The following VSIG10L2 variants were observed in gnomAD, a reference collection of about 807,000 sequenced individuals.
VSIG10L2 encodes V-set and immunoglobulin domain-containing protein 10-like 2.
In VSIG10L2, 56 loss-of-function variants were observed where a neutral mutation model predicts 67.1. The ratio of observed to expected loss-of-function variants is 0.83; its 90% CI spans 0.67 to 1.04. The LOEUF is 1.04. VSIG10L2 is among the 50% of genes least tolerant of loss of function. The pLI is 0.00. For synonymous variants in VSIG10L2, 360 were observed against 396.6 expected (o/e 0.91, Z 1.10); for missense variants, 843 against 932.8 (o/e 0.90, Z 1.25).
In VSIG10L2 at chr11:125,947,912, G is replaced by A. The variant is rs1383340248; in HGVS notation, c.309G>A (p.Arg103=). The change falls in exon 2 of 12, where the codon AGG becomes AGA. Residue 103 remains arginine, a synonymous_variant. Coordinates refer to ENST00000686984, the MANE Select transcript of VSIG10L2 (RefSeq NM_001365077.2). ...IASALGVVSL[R]NSSLVLGELH... is the part of the protein sequence containing the mutation. Reference sequence around the variant, plus strand: ...CGGCTCTGGGAGTCGTGAGTCTGAGGAACAGCAGCCTGGTGCTGGGGGAGC... The same window carrying A: ...CGGCTCTGGGAGTCGTGAGTCTGAGAAACAGCAGCCTGGTGCTGGGGGAGC... 2.4e-6 allele frequency: 3 copies of A among 1,232,220 alleles called. No homozygotes were observed. The highest frequency in any genetic ancestry group is 4.1e-5 in the South Asian group (1 of 24,330). The allele number at this position is 1,232,220 out of a possible 1,614,324, so 76.3% of individuals were successfully genotyped here.
At position 125,946,544 on chromosome 11, in the gene VSIG10L2, CTTTTT is replaced by C. The variant is rs745417197; in HGVS notation, c.82+416_82+420del. Among the ~76,000 whole-genome samples, 2 of 142,940 alleles carry C rather than the reference CTTTTT, an allele frequency of 1.4e-5. No individual in the cohort carries two copies. Among genetic ancestry groups the C allele is most frequent in the Non-Finnish European group, 3.1e-5 (2 of 65,346 alleles). The allele number at this position is 142,940 out of a possible 152,430, so 93.8% of individuals were successfully genotyped here. On this transcript the variant is annotated intron_variant, in intron 1 of 11. Coordinates refer to ENST00000686984, the MANE Select transcript of VSIG10L2 (RefSeq NM_001365077.2). This position sits in a 1 kb window ranked among gnomAD's most constrained non-coding sequence, Gnocchi z 4.4. The stretch of plus-strand genomic sequence containing the variant: ...GGTTTCTGGGTTACATATTTTTATT[CTTTTT>C]TTTTTTTTGAGATGGAGTCTTGCTG...
At chr11:125,951,261 C>T in intron 5 of VSIG10L2, 103 bp downstream of exon 5, 1 of 1,126,198 alleles carries the variant, frequency 8.9e-7, no homozygotes, top group Non-Finnish European at 1.1e-6. Flanking sequence ...GCTCTCCAGA[C>T]CGCAGGCTCC....
chr11:125,950,377 G>C, intron 4 of VSIG10L2, 88 bp downstream of exon 4: 4 of 1,208,020 alleles, frequency 3.3e-6, no homozygotes, highest in Non-Finnish European at 4.1e-6. Context: ...GGCAGACCCC[G>C]CCGTCCCGTG....
rs1204028399 is a variant in VSIG10L2, at chr11:125,948,511, T to TTA, written c.640_641insTA (p.Trp214LeufsTer11). 2.4e-6 allele frequency: 3 copies of TTA among 1,231,966 alleles called. No individual in the cohort carries two copies. The highest frequency in any genetic ancestry group is 4.2e-5 in the Admixed American group (1 of 23,710). 76.3% of individuals were successfully genotyped at this position (1,231,966 alleles called of 1,614,324 possible). A position where few individuals can be genotyped will look rare whatever the true frequency, so the allele number is the denominator to read the frequency against. ...CCCTGTCAACCGGACACACCTAGGGTGGTACATGTGCAGCGCCAGCAACTC... is the reference window on the plus strand; with the variant it reads ...CCCTGTCAACCGGACACACCTAGGGTTAGGTACATGTGCAGCGCCAGCAACTC... On this transcript the variant is annotated frameshift_variant, in exon 3 of 12. Coordinates refer to ENST00000686984, the MANE Select transcript of VSIG10L2 (RefSeq NM_001365077.2). LOFTEE classifies it high-confidence loss of function.
In VSIG10L2 at chr11:125,955,158, C is replaced by T. The variant is rs934615549; in HGVS notation, c.2185C>T (p.Arg729Trp). Reference sequence around the variant, plus strand: ...TCTACTGGTGTTCCAGTATGCTGCCCGGCACCCAGAGACTTTCCCCCGTGA... The same window carrying T: ...TCTACTGGTGTTCCAGTATGCTGCCTGGCACCCAGAGACTTTCCCCCGTGA... ...ASLLVFQYAA[R>W]HPETFPRLGQ... The change falls in exon 9 of 12, where the codon CGG becomes TGG. Residue 729 changes from arginine (R) to tryptophan (W), a missense_variant. Transcript: ENST00000686984. 2.3e-5 allele frequency: 29 copies of T among 1,250,420 alleles called. No homozygotes were observed. The African/African-American group carries it at 2.6e-4, about 11-fold the overall frequency. 77.5% of individuals were successfully genotyped at this position (1,250,420 alleles called of 1,614,324 possible).
Position 125,954,208 on chromosome 11 carries a change from G to C in VSIG10L2, c.1908G>C (p.Arg636=). 1.6e-6 allele frequency: 2 copies of C among 1,232,234 alleles called. No homozygotes were observed. Among genetic ancestry groups the C allele is most frequent in the Non-Finnish European group, 2.0e-6 (2 of 988,032 alleles). The allele number at this position is 1,232,234 out of a possible 1,614,324, so 76.3% of individuals were successfully genotyped here. A position where few individuals can be genotyped will look rare whatever the true frequency, so the allele number is the denominator to read the frequency against. The change falls in exon 8 of 12, where the codon CGG becomes CGC. Residue 636 remains arginine (R), a synonymous_variant. Coordinates refer to ENST00000686984, the MANE Select transcript of VSIG10L2 (RefSeq NM_001365077.2). The stretch of plus-strand genomic sequence containing the variant: ...ACCTGACGGGCTTCCTGGTGCAGCG[G>C]AAGGCCAGTGCCCTGGGCCCAGGAG... The part of the protein sequence containing the change: ...PGNLTGFLVQ[R]KASALGPGAG...
At chr11:125,953,945 C>A in intron 7 of VSIG10L2, 142 bp from the exon 8 acceptor site, 1 of 734,552 alleles carries the variant, frequency 1.4e-6, no homozygotes, top group Non-Finnish European at 1.9e-6. Context: ...TGGGACAAGG[C>A]AGGGCTTCTC....
intron 7 of VSIG10L2, 28 bp downstream of exon 7, chr11:125,953,718 T>C (rs972462366): frequency 6.5e-6 from 8 of 1,231,810 alleles, no homozygotes; most frequent in Non-Finnish European, 8.1e-6. Flanking sequence ...TGCGTGTGTG[T>C]GGTGAGGTGG....
intron 7 of VSIG10L2, 138 bp from the exon 8 acceptor site, chr11:125,953,949 G>A (rs1486852548): frequency 4.0e-6 from 3 of 759,370 alleles, no homozygotes; most frequent in Non-Finnish European, 5.4e-6. Context: ...ACAAGGCAGG[G>A]CTTCTCAGGT....
chr11:125,950,804 C>T (rs1945357683), intron 4 of VSIG10L2, 106 bp from the exon 5 acceptor site: 7 of 1,090,516 alleles, frequency 6.4e-6, no homozygotes, highest in Non-Finnish European at 8.1e-6. Context: ...CTCCCTGCTC[C>T]CCTACCCACT....
At position 125,952,153 on chromosome 11, in the gene VSIG10L2, G is replaced by C. The variant is rs979046381; in HGVS notation, c.1495+80G>C. On this transcript the variant is annotated intron_variant, in intron 6 of 11. Transcript: ENST00000686984. ...TGGAATCAGGATAAAGAGATCTTAG[G>C]GGGTGGCTGTGCTGGCATGGAAAGT... is the stretch of plus-strand genomic sequence containing the variant. 82 of 1,445,852 alleles carry C rather than the reference G, an allele frequency of 5.7e-5. 2 individuals carry two copies. In the South Asian group the frequency reaches 8.8e-4, roughly 16 times the overall value. 89.6% of individuals were successfully genotyped at this position (1,445,852 alleles called of 1,614,324 possible).
At position 125,948,597 on chromosome 11, in the gene VSIG10L2, T is replaced by G; in HGVS notation, c.709+17T>G. Reference sequence around the variant, plus strand: ...ACGTCATTTGTGAGTCAGACTGTGGTGGGGGGGCTGTCAGGGCTGACACCC... The same window carrying G: ...ACGTCATTTGTGAGTCAGACTGTGGGGGGGGGGCTGTCAGGGCTGACACCC... On this transcript the variant is annotated intron_variant, in intron 3 of 11. Transcript: ENST00000686984. 4 of 1,231,958 alleles carry G rather than the reference T, an allele frequency of 3.2e-6. No individual in the cohort carries two copies. Among genetic ancestry groups the G allele is most frequent in the South Asian group, 4.1e-5 (1 of 24,288 alleles). 76.3% of individuals were successfully genotyped at this position (1,231,958 alleles called of 1,614,324 possible).
Position 125,953,654 on chromosome 11 carries a change from G to C in VSIG10L2, c.1750G>C (p.Gly584Arg). ...TYQCVARNAV[G>R]NSSQSVLLEV... ...CCAATGCGTGGCCCGCAACGCCGTG[G>C]GCAATAGCAGTCAGAGTGTGCTGCT... The change falls in exon 7 of 12, where the codon GGC becomes CGC. Residue 584 changes from glycine to arginine, a missense_variant. By Grantham distance (125) the Gly-to-Arg change is moderately radical (BLOSUM62 -2). Around this residue, in one of 2 missense-constraint regions of VSIG10L2, gnomAD observed 397 missense variants for 384.4 expected, o/e 1.03. Transcript: ENST00000686984. 1 of 1,232,284 alleles carries C rather than the reference G, an allele frequency of 8.1e-7. No individual in the cohort carries two copies. Among genetic ancestry groups the C allele is most frequent in the Non-Finnish European group, 1.0e-6 (1 of 988,022 alleles). 76.3% of individuals were successfully genotyped at this position (1,232,284 alleles called of 1,614,324 possible).
rs759766120 is a variant in VSIG10L2 at position 125,954,385 on chromosome 11, T to G, written c.2083+2T>G. 1.6e-6 allele frequency: 2 copies of G among 1,232,024 alleles called. No homozygotes were observed. Among genetic ancestry groups the G allele is most frequent in the Non-Finnish European group, 2.0e-6 (2 of 987,994 alleles). The allele number at this position is 1,232,024 out of a possible 1,614,324, so 76.3% of individuals were successfully genotyped here. A position where few individuals can be genotyped will look rare whatever the true frequency, so the allele number is the denominator to read the frequency against. ...ATCCCTCTGAGGTGAAGATACCAGG[T>G]GCCAGCTAATGCCAGGGAGGGACCC... On this transcript the variant is annotated splice_donor_variant, in intron 8 of 11. Coordinates refer to ENST00000686984, the MANE Select transcript of VSIG10L2 (RefSeq NM_001365077.2). LOFTEE classifies it high-confidence loss of function.
chr11:125,947,739 G>A lies in VSIG10L2; in HGVS notation c.136G>A (p.Gly46Arg), dbSNP rs930779382. The change falls in exon 2 of 12, where the codon GGA becomes AGA. Residue 46 changes from glycine (G) to arginine (R), a missense_variant. This residue lies in a region of VSIG10L2 where 446 missense variants were observed against 548.4 expected (regional missense o/e 0.81). Transcript: ENST00000686984. Reference protein sequence around the residue: ...APVEEVVSVQGVRGGSVELAC... With the variant: ...APVEEVVSVQRVRGGSVELAC... ...TGTAGAGGAGGTGGTGTCTGTCCAGGGAGTGCGAGGTGGCTCCGTGGAGCT... is the reference window on the plus strand; with the variant it reads ...TGTAGAGGAGGTGGTGTCTGTCCAGAGAGTGCGAGGTGGCTCCGTGGAGCT... The A allele has an allele frequency of 1.6e-6, 2 of 1,232,442 alleles. No individual in the cohort carries two copies. The highest frequency in any genetic ancestry group is 2.0e-6 in the Non-Finnish European group (2 of 988,228). 76.3% of individuals were successfully genotyped at this position (1,232,442 alleles called of 1,614,324 possible).
chr11:125,947,957 C>G lies in VSIG10L2; in HGVS notation c.354C>G (p.Gly118=). 1 of 1,232,316 alleles carries G rather than the reference C, an allele frequency of 8.1e-7. No homozygotes were observed. The highest frequency in any genetic ancestry group is 1.0e-6 in the Non-Finnish European group (1 of 988,076). The allele number at this position is 1,232,316 out of a possible 1,614,324, so 76.3% of individuals were successfully genotyped here. A position where few individuals can be genotyped will look rare whatever the true frequency, so the allele number is the denominator to read the frequency against. ...VLGELHEGAR[G]HFLCQVLHVA... is the part of the protein sequence containing the mutation. ...GGGAGCTTCACGAGGGTGCCCGTGGCCACTTCCTATGCCAGGTTCTGCACG... is the reference window on the plus strand; with the variant it reads ...GGGAGCTTCACGAGGGTGCCCGTGGGCACTTCCTATGCCAGGTTCTGCACG... The change falls in exon 2 of 12, where the codon GGC becomes GGG. Residue 118 remains glycine (G), a synonymous_variant. Transcript: ENST00000686984.
At chr11:125,947,220 C>G (rs1945310892) in intron 1 of VSIG10L2, among the ~76,000 whole-genome samples, 1 of 152,134 alleles carries the variant, frequency 6.6e-6, no homozygotes, top group Admixed American at 6.5e-5. Flanking sequence ...ACAGGAACTC[C>G]AGACCCCGAG....
chr11:125,951,337 C>T (rs1226972405), intron 5 of VSIG10L2, among the ~76,000 whole-genome samples, 179 bp downstream of exon 5: 1 of 152,194 alleles, frequency 6.6e-6, no homozygotes, highest in Non-Finnish European at 1.5e-5. Context: ...CCATCTTTCC[C>T]ATCCACACTG....
chr11:125,953,477 C>G lies in VSIG10L2; in HGVS notation c.1573C>G (p.Arg525Gly), dbSNP rs1039305670. 3 of 1,232,184 alleles carry G rather than the reference C, an allele frequency of 2.4e-6. No homozygotes were observed. Among genetic ancestry groups the G allele is most frequent in the Non-Finnish European group, 3.0e-6 (3 of 988,154 alleles). The allele number at this position is 1,232,184 out of a possible 1,614,324, so 76.3% of individuals were successfully genotyped here. A position where few individuals can be genotyped will look rare whatever the true frequency, so the allele number is the denominator to read the frequency against. ...GGEAWLECSL[R>G]GGTPPAQLLW... ...AGAGGCCTGGCTGGAGTGCTCTCTCCGCGGGGGCACACCACCTGCCCAGCT... is the reference window on the plus strand; with the variant it reads ...AGAGGCCTGGCTGGAGTGCTCTCTCGGCGGGGGCACACCACCTGCCCAGCT... The change falls in exon 7 of 12, where the codon CGC (arginine) becomes GGC (glycine). Residue 525 changes from arginine to glycine, a missense_variant. By Grantham distance (125) the Arg-to-Gly change is moderately radical (BLOSUM62 -2). Coordinates refer to ENST00000686984, the MANE Select transcript of VSIG10L2 (RefSeq NM_001365077.2).
Sources: gnomAD v4.1 joint callset for allele counts (sites outside exome capture counted in the v4.1 genomes callset) on GRCh38, gnomAD v4.1.1 for gene constraint, gnomAD v4.1.1 regional missense constraint, Gnocchi (gnomAD v3.1) non-coding constraint, MANE v1.5 for transcripts, NCBI Gene and HGNC (gene_info 2026-07-23, HGNC 2026-07-21) for gene names.